SHROOM2: variants seen among roughly 807,000 people sequenced by gnomAD.
SHROOM2 encodes protein Shroom2.
SHROOM2 carries 33 observed loss-of-function variants against 75.9 expected under a neutral mutation model. The observed-to-expected ratio is 0.43, with a 90% CI of 0.33 to 0.58. The LOEUF is 0.58. SHROOM2 is among the 20% of genes least tolerant of loss of function. SHROOM2 has a pLI of 0.04. For missense variants in SHROOM2, 1,434 were observed against 1,461.2 expected, an observed-to-expected ratio of 0.98 and a Z score of 0.30; for synonymous variants, 655 against 663.6, an observed-to-expected ratio of 0.99 and a Z score of 0.20.
intron 1 of SHROOM2, among the ~76,000 whole-genome samples, chrX:9,859,433 CTTG>C (rs2084091023): frequency 1.8e-5 from 2 of 111,857 alleles, no homozygotes; most frequent in African/African-American, 6.5e-5. Flanking sequence ...AGATGCTAGT[CTTG>C]TTGTGGGATG....
intron 2 of SHROOM2, among the ~76,000 whole-genome samples, chrX:9,877,315 G>A (rs191045278): frequency 1.5e-3 from 168 of 111,749 alleles, no homozygotes; most frequent in African/African-American, 5.0e-3. Flanking sequence ...GCCCTACCAA[G>A]TGCATGTATG....
At chrX:9,862,246 GA>G (rs2084108449) in intron 1 of SHROOM2, among the ~76,000 whole-genome samples, 1 of 111,274 alleles carries the variant, frequency 9.0e-6, no homozygotes, top group Non-Finnish European at 1.9e-5. Context: ...GAACTCTAAA[GA>G]ATACGAGAAT....
At chrX:9,893,106 ATT>A in intron 3 of SHROOM2, among the ~76,000 whole-genome samples, 1 of 110,181 alleles carries the variant, frequency 9.1e-6, no homozygotes, top group Non-Finnish European at 1.9e-5. Context: ...TATTATTATT[ATT>A]ATTATTATCT....
chrX:9,897,168 A>G lies in SHROOM2; in HGVS notation c.2790+470A>G, dbSNP rs927489652. 5.4e-5 allele frequency among the ~76,000 whole-genome samples: 6 copies of G among 112,144 alleles called. No individual in the cohort carries two copies. The South Asian group carries it at 2.2e-3, about 42-fold the overall frequency. On this transcript the variant is annotated intron_variant, in intron 4 of 9. Coordinates refer to ENST00000380913, the MANE Select transcript of SHROOM2 (RefSeq NM_001649.4). ...TTTAGTATTCTGTTTTTTATTTGCA[A>G]GTATTTTCAAGGATTGCTCTGGGAC...
intron 1 of SHROOM2, among the ~76,000 whole-genome samples, chrX:9,787,581 C>G (rs1365360739): frequency 8.9e-6 from 1 of 112,305 alleles, no homozygotes; most frequent in South Asian, 3.7e-4. Context: ...CGACTAGAAG[C>G]GTTTGAAGAT....
chrX:9,876,690 T>A (rs1157828873), intron 2 of SHROOM2, among the ~76,000 whole-genome samples: 1 of 112,811 alleles, frequency 8.9e-6, no homozygotes, highest in Admixed American at 9.4e-5. Context: ...CGTGATCAAA[T>A]GGTAAACTAG....
rs1193517510 is a variant in SHROOM2, at chrX:9,947,255, GA to G, written c.*321del. The G allele has an allele frequency of 3.7e-6, 1 of 272,935 alleles. No homozygotes were observed. Among genetic ancestry groups the G allele is most frequent in the Non-Finnish European group, 6.4e-6 (1 of 157,276 alleles). 22.5% of individuals were successfully genotyped at this position (272,935 alleles called of 1,213,427 possible). A position where few individuals can be genotyped will look rare whatever the true frequency, so the allele number is the denominator to read the frequency against. ...CCTGCCGAGTGGTCACTGTCAGTGGGAAACCCGTTGTTCCTCCCGTCTTCAG... is the reference window on the plus strand; with the variant it reads ...CCTGCCGAGTGGTCACTGTCAGTGGGAACCCGTTGTTCCTCCCGTCTTCAG... On this transcript the variant is annotated 3_prime_UTR_variant, in exon 10 of 10. Coordinates refer to ENST00000380913, the MANE Select transcript of SHROOM2 (RefSeq NM_001649.4).
chrX:9,868,877 G>A (rs1200883250), intron 1 of SHROOM2, among the ~76,000 whole-genome samples: 1 of 108,875 alleles, frequency 9.2e-6, no homozygotes, highest in East Asian at 2.9e-4. Context: ...ACTGCTCTCA[G>A]CCCTAGACAC....
chrX:9,803,035 C>T (rs1415771335), intron 1 of SHROOM2, among the ~76,000 whole-genome samples: 2 of 108,624 alleles, frequency 1.8e-5, no homozygotes, highest in Non-Finnish European at 3.8e-5. Flanking sequence ...CTCAAGCAAT[C>T]CTCCTGCCTT....
At chrX:9,922,947 GTTGGCCC>G (rs2084560539) in intron 5 of SHROOM2, among the ~76,000 whole-genome samples, 1 of 111,444 alleles carries the variant, frequency 9.0e-6, no homozygotes, top group African/African-American at 3.3e-5. Context: ...GCAGTGGAGA[GTTGGCCC>G]TTGGTTTCTA....
intron 1 of SHROOM2, among the ~76,000 whole-genome samples, chrX:9,834,533 G>A (rs1050637532): frequency 1.8e-5 from 2 of 111,867 alleles, no homozygotes; most frequent in Non-Finnish European, 3.8e-5. Context: ...ACCTGGAAGA[G>A]GTCAAGGGGA....
chrX:9,932,360 C>G lies in SHROOM2; in HGVS notation c.3077C>G (p.Thr1026Ser). 8.3e-7 allele frequency: 1 copy of G among 1,210,156 alleles called. No homozygotes were observed. The highest frequency in any genetic ancestry group is 1.1e-6 in the Non-Finnish European group (1 of 894,657). ...PRDYRYSEES[T>S]PADLGPRAQS... ...GATTATAGATACTCGGAGGAGAGCA[C>G]CCCAGCAGACTTGGGACCCCGAGCC... Residue 1026 changes from threonine (T) to serine (S), a missense_variant, in exon 6 of 10, where the codon ACC (threonine) becomes AGC (serine). Thr to Ser is a moderately conservative substitution (Grantham distance 58). Coordinates refer to ENST00000380913, the MANE Select transcript of SHROOM2 (RefSeq NM_001649.4).
Position 9,941,594 on chromosome X carries a change from G to A in SHROOM2, c.4311+2228G>A, listed in dbSNP as rs146727530. On this transcript the variant is annotated intron_variant, in intron 8 of 9. Coordinates refer to ENST00000380913, the MANE Select transcript of SHROOM2 (RefSeq NM_001649.4). ...GAGAGCCCAGTTTCAAATTAGCTCA[G>A]CTGAGGTAGGTTTTGAGGGCACATG... 5.4e-3 allele frequency among the ~76,000 whole-genome samples: 610 copies of A among 112,067 alleles called. 7 individuals are homozygous for A. The highest frequency in any genetic ancestry group is 0.019 in the African/African-American group (586 of 30,904).
chrX:9,830,584 C>CTTTT lies in SHROOM2; in HGVS notation c.166-43037_166-43034dup, dbSNP rs1166769024. Among the ~76,000 whole-genome samples the CTTTT allele has an allele frequency of 4.4e-3, 149 of 33,645 alleles. 26 individuals carry two copies. The highest frequency in any genetic ancestry group is 5.9e-3 in the Non-Finnish European group (122 of 20,505). The allele number at this position is 33,645 out of a possible 115,157, so 29.2% of individuals were successfully genotyped here. A position where few individuals can be genotyped will look rare whatever the true frequency, so the allele number is the denominator to read the frequency against. On this transcript the variant is annotated intron_variant, in intron 1 of 9. Coordinates refer to ENST00000380913, the MANE Select transcript of SHROOM2 (RefSeq NM_001649.4). ...AGGGTCTCAAGTGAACCCCTGGTTT[C>CTTTT]TTTTTTTTTTTTTTTTTTTTTTTTT... is the stretch of plus-strand genomic sequence containing the variant.
At chrX:9,879,546 C>T (rs1351274660) in intron 2 of SHROOM2, among the ~76,000 whole-genome samples, 1 of 112,689 alleles carries the variant, frequency 8.9e-6, no homozygotes, top group Non-Finnish European at 1.9e-5. Flanking sequence ...CAGGCGTGAG[C>T]CACTGCACCC....
At position 9,894,629 on chromosome X, in the gene SHROOM2, C is replaced by G; in HGVS notation, c.721C>G (p.Leu241Val). The G allele has an allele frequency of 8.3e-7, 1 of 1,212,107 alleles. No individual in the cohort carries two copies. Among genetic ancestry groups the G allele is most frequent in the Non-Finnish European group, 1.1e-6 (1 of 895,540 alleles). ...AGAGAACATCCTCTACACTGTGGGC[C>G]TCTGGGAGGCTCCCAGGCAGGGTGG... ...SAENILYTVG[L>V]WEAPRQGGRQ... The change falls in exon 4 of 10, where the codon CTC (leucine) becomes GTC (valine). Residue 241 changes from leucine to valine, a missense_variant. Transcript: ENST00000380913.
At position 9,895,967 on chromosome X, in the gene SHROOM2, G is replaced by T. The variant is rs1288003059; in HGVS notation, c.2059G>T (p.Ala687Ser). 12 of 1,197,491 alleles carry T rather than the reference G, an allele frequency of 1.0e-5. No individual in the cohort carries two copies. Among genetic ancestry groups the T allele is most frequent in the Non-Finnish European group, 1.2e-5 (11 of 889,028 alleles). ...AGTYKDHLKE[A>S]QARVLRATSF... Reference sequence around the variant, plus strand: ...CACCTATAAAGACCACCTGAAAGAGGCCCAAGCCCGGGTCCTGAGGGCCAC... The same window carrying T: ...CACCTATAAAGACCACCTGAAAGAGTCCCAAGCCCGGGTCCTGAGGGCCAC... Residue 687 changes from alanine (A) to serine (S), a missense_variant, in exon 4 of 10, where the codon GCC (alanine) becomes TCC (serine). Around this residue, in one of 3 missense-constraint regions of SHROOM2, gnomAD observed 1,340 missense variants for 1,338.3 expected, o/e 1.00. Transcript: ENST00000380913.
At chrX:9,805,914 A>ACAAAAAC (rs200437026) in intron 1 of SHROOM2, among the ~76,000 whole-genome samples, 3 of 108,567 alleles carry the variant, frequency 2.8e-5, no homozygotes, top group African/African-American at 1.0e-4. Context: ...AAAAAAAAAA[A>ACAAAAAC]AAAAACAAAA....
At chrX:9,944,554 C>T in intron 8 of SHROOM2, 87 bp from the exon 9 acceptor site, 4 of 997,430 alleles carry the variant, frequency 4.0e-6, no homozygotes, top group East Asian at 3.3e-5. Flanking sequence ...CACGTAGGTG[C>T]GCCAAGGTGG....
Sources: gnomAD v4.1 joint callset for allele counts (sites outside exome capture counted in the v4.1 genomes callset) on GRCh38, gnomAD v4.1.1 for gene constraint, gnomAD v4.1.1 regional missense constraint, MANE v1.5 for transcripts, NCBI Gene and HGNC (gene_info 2026-07-23, HGNC 2026-07-21) for gene names.